Variants in THSD7B observed in about 807,000 individuals in gnomAD.
The protein encoded by THSD7B is thrombospondin type-1 domain-containing protein 7B.
In THSD7B, 138 loss-of-function variants were observed where a neutral mutation model predicts 213.6. The ratio of observed to expected loss-of-function variants is 0.65; its 90% confidence interval spans 0.56 to 0.74. The LOEUF (loss-of-function observed/expected upper bound fraction) is 0.74. Among genes scored for constraint, THSD7B ranks in the 30% least tolerant of loss-of-function variants. The pLI is 0.00. For missense variants in THSD7B, 1,931 were observed against 1,991.5 expected (o/e 0.97, Z 0.58); for synonymous variants, 742 against 687.0 (o/e 1.08, Z -1.25).
intron 15 of THSD7B, chr2:137,452,140 T>C: frequency 2.2e-6 from 1 of 444,968 alleles, no homozygotes; most frequent in Non-Finnish European, 3.0e-6. Context: ...TAAAAAAAAA[T>C]TCAACAAGAT....
intron 7 of THSD7B, among the ~76,000 whole-genome samples, chr2:137,186,941 T>G (rs1258716234): frequency 6.6e-6 from 1 of 152,178 alleles, no homozygotes; most frequent in Non-Finnish European, 1.5e-5. Flanking sequence ...TAAGAAGTTT[T>G]CCTGGGTATT....
intron 15 of THSD7B, among the ~76,000 whole-genome samples, chr2:137,491,370 T>A (rs916602882): frequency 6.6e-6 from 1 of 152,222 alleles, no homozygotes; most frequent in Non-Finnish European, 1.5e-5. Flanking sequence ...GGCCAACGTT[T>A]TTGATGGTAC....
At chr2:136,954,381 C>A (rs759623188) in intron 2 of THSD7B, among the ~76,000 whole-genome samples, 6 of 152,146 alleles carry the variant, frequency 3.9e-5, no homozygotes, top group East Asian at 1.9e-4. Context: ...TGATTTTCCT[C>A]CTCGTTGGAT....
chr2:137,594,988 TCTTTA>T (rs1681932557), intron 17 of THSD7B, among the ~76,000 whole-genome samples: 1 of 152,016 alleles, frequency 6.6e-6, no homozygotes, highest in African/African-American at 2.4e-5. Context: ...TGTTTTGCTA[TCTTTA>T]CTTTCCCATT....
intron 2 of THSD7B, among the ~76,000 whole-genome samples, chr2:137,052,416 A>T (rs925502495): frequency 1.3e-5 from 2 of 152,126 alleles, no homozygotes; most frequent in Non-Finnish European, 2.9e-5. Flanking sequence ...AAATTATTCT[A>T]AATTTTGTTT....
In THSD7B at chr2:137,258,509, C is replaced by A. The variant is rs77936513; in HGVS notation, c.2267-14024C>A. On this transcript the variant is annotated intron_variant, in intron 10 of 27. Transcript: ENST00000409968. ...TTCCCCATATATTACATTAGATGAC[C>A]CCCTACCTCCTTCAAGTTCTTACTC... Among the ~76,000 whole-genome samples the A allele has an allele frequency of 8.0e-3, 1,215 of 151,912 alleles. 22 individuals carry two copies. Among genetic ancestry groups the A allele is most frequent in the African/African-American group, 0.028 (1,161 of 41,410 alleles).
At chr2:137,490,653 T>C (rs145400670) in intron 15 of THSD7B, among the ~76,000 whole-genome samples, 2 of 152,276 alleles carry the variant, frequency 1.3e-5, no homozygotes, top group African/African-American at 2.4e-5. Flanking sequence ...TACATTAGGG[T>C]TCACTCTTGG....
At chr2:137,303,942 A>C (rs1683677551) in intron 12 of THSD7B, among the ~76,000 whole-genome samples, 1 of 151,244 alleles carries the variant, frequency 6.6e-6, no homozygotes, top group African/African-American at 2.4e-5. Flanking sequence ...ATTTCTCCTA[A>C]TGCTATCCCT....
chr2:137,162,216 TCTTTAC>T (rs1680032912), intron 6 of THSD7B, among the ~76,000 whole-genome samples: 1 of 152,200 alleles, frequency 6.6e-6, no homozygotes, highest in Non-Finnish European at 1.5e-5. Context: ...TCTAATTCTT[TCTTTAC>T]CTTTACATTT....
intron 15 of THSD7B, among the ~76,000 whole-genome samples, chr2:137,478,266 C>G (rs150761544): frequency 2.0e-5 from 3 of 152,220 alleles, no homozygotes; most frequent in Admixed American, 2.0e-4. Flanking sequence ...TTTAGTCATT[C>G]ATTTTTCTTT....
intron 12 of THSD7B, among the ~76,000 whole-genome samples, chr2:137,377,702 C>T (rs1390756403): frequency 6.6e-6 from 1 of 151,792 alleles, no homozygotes; most frequent in African/African-American, 2.4e-5. Context: ...TCCTGATTCA[C>T]GGCAACCTCT....
rs1053609750 is a variant in THSD7B at position 137,056,172 on chromosome 2, A to G, written c.140-248A>G. On this transcript the variant is annotated intron_variant, in intron 2 of 27. Coordinates refer to ENST00000409968, the MANE Select transcript of THSD7B (RefSeq NM_001316349.2). ...CGGTGCTTTTATTATCTTCTACCTT[A>G]TATAGGTGAGGAACTTTCTAAGGCT... Among the ~76,000 whole-genome samples, 23 of 152,210 alleles carry G rather than the reference A, an allele frequency of 1.5e-4. 1 individual carries two copies. Among genetic ancestry groups the G allele is most frequent in the Admixed American group, 1.2e-3 (19 of 15,282 alleles).
chr2:137,451,948 C>A, intron 15 of THSD7B: 1 of 400,550 alleles, frequency 2.5e-6, no homozygotes, highest in Non-Finnish European at 3.4e-6. Context: ...AATTTCTATC[C>A]TCTCAATTCC....
chr2:136,832,531 T>C (rs1259584667), intron 1 of THSD7B, among the ~76,000 whole-genome samples: 1 of 152,166 alleles, frequency 6.6e-6, no homozygotes, highest in Admixed American at 6.5e-5. Flanking sequence ...TTCACTGATG[T>C]AAATGCTAAT....
At chr2:137,551,960 C>T (rs542235809) in intron 15 of THSD7B, among the ~76,000 whole-genome samples, 1 of 152,124 alleles carries the variant, frequency 6.6e-6, no homozygotes, top group Admixed American at 6.5e-5. Flanking sequence ...CAGTGCTACC[C>T]TCTTGAGAGA....
At chr2:137,405,875 T>G (rs1686506303) in intron 13 of THSD7B, 68 bp downstream of exon 13, 28 of 1,422,920 alleles carry the variant, frequency 2.0e-5, no homozygotes, top group Admixed American at 7.2e-5. Context: ...GTGTAGAATA[T>G]GAGGTCCAAA....
intron 20 of THSD7B, 112 bp from the exon 21 acceptor site, chr2:137,642,376 A>T: frequency 7.7e-7 from 1 of 1,298,890 alleles, no homozygotes; most frequent in Non-Finnish European, 1.1e-6. Context: ...GAGATAGGAC[A>T]GAGTTCAGTC....
intron 12 of THSD7B, among the ~76,000 whole-genome samples, chr2:137,390,490 A>G (rs762659073): frequency 4.6e-5 from 7 of 152,282 alleles, no homozygotes; most frequent in Non-Finnish European, 8.8e-5. Flanking sequence ...AAGAGAAACA[A>G]TTTGACATCT....
chr2:137,581,772 A>T (rs1321603787), intron 17 of THSD7B, among the ~76,000 whole-genome samples: 22 of 105,614 alleles, frequency 2.1e-4, no homozygotes, highest in East Asian at 1.3e-3. Context: ...AAAAAAAAAT[A>T]AAAAAAAAAA....
Sources: allele counts gnomAD v4.1 joint callset (sites outside exome capture counted in the v4.1 genomes callset), GRCh38; gene constraint gnomAD v4.1.1; transcripts MANE v1.5; gene names NCBI Gene and HGNC (gene_info 2026-07-23, HGNC 2026-07-21).